SNTG1: variants seen among roughly 807,000 people sequenced by gnomAD.
The protein encoded by SNTG1 is gamma-1-syntrophin.
Under a neutral mutation model 74.7 loss-of-function variants are expected in SNTG1, and 39 were observed. The ratio of observed to expected loss-of-function variants is 0.52; its 90% CI spans 0.40 to 0.68. The LOEUF (loss-of-function observed/expected upper bound fraction) is 0.68, where lower values mean the gene tolerates loss of function less well. Ranked by LOEUF, SNTG1 falls within the 30% of genes least tolerant of loss-of-function variation. SNTG1 has a pLI of 0.00. For synonymous variants in SNTG1, 254 were observed against 217.1 expected (o/e 1.17, Z -1.49); for missense variants, 685 against 609.5 (o/e 1.12, Z -1.30).
At chr8:50,754,520 G>A (rs1222900670) in intron 18 of SNTG1, among the ~76,000 whole-genome samples, 1 of 151,700 alleles carries the variant, frequency 6.6e-6, no homozygotes, top group African/African-American at 2.4e-5. Context: ...TTCTCTTCCT[G>A]TTTCTTGCCC....
At chr8:50,499,439 A>G (rs1436139420) in intron 8 of SNTG1, among the ~76,000 whole-genome samples, 1 of 146,456 alleles carries the variant, frequency 6.8e-6, no homozygotes, top group African/African-American at 2.5e-5. Flanking sequence ...TTTTTTTGGT[A>G]GATTCTAGTG....
intron 13 of SNTG1, 98 bp from the exon 14 acceptor site, chr8:50,656,811 A>G (rs2095184672): frequency 2.5e-6 from 2 of 816,288 alleles, no homozygotes; most frequent in Non-Finnish European, 3.9e-6. Context: ...CATGAAAAAT[A>G]CCTAAAATAT....
At chr8:50,251,482 A>G (rs750555040) in intron 2 of SNTG1, among the ~76,000 whole-genome samples, 3 of 151,982 alleles carry the variant, frequency 2.0e-5, no homozygotes, top group Non-Finnish European at 4.4e-5. Context: ...CCTATAACAG[A>G]TGCACTTCAC....
At chr8:50,392,591 T>A (rs1587449526) in intron 2 of SNTG1, among the ~76,000 whole-genome samples, 1 of 152,196 alleles carries the variant, frequency 6.6e-6, no homozygotes, top group Non-Finnish European at 1.5e-5. Context: ...TAGTAGAACC[T>A]GAGGAACTCA....
chr8:50,394,343 G>A, intron 3 of SNTG1, 78 bp downstream of exon 3: 1 of 1,450,890 alleles, frequency 6.9e-7, no homozygotes, highest in Non-Finnish European at 9.5e-7. Flanking sequence ...ATTTATATAG[G>A]GAAATTCTGC....
At chr8:50,620,641 A>G (rs943941309) in intron 13 of SNTG1, among the ~76,000 whole-genome samples, 1 of 152,232 alleles carries the variant, frequency 6.6e-6, no homozygotes, top group Non-Finnish European at 1.5e-5. Context: ...TAGAATGGGC[A>G]TAATAGTTCC....
At chr8:50,090,429 A>G (rs892463949) in intron 1 of SNTG1, among the ~76,000 whole-genome samples, 2 of 152,080 alleles carry the variant, frequency 1.3e-5, no homozygotes, top group African/African-American at 2.4e-5. Context: ...CTTTCCCTTC[A>G]TGGTGGTAAG....
intron 2 of SNTG1, among the ~76,000 whole-genome samples, chr8:50,375,724 C>T (rs1200004336): frequency 6.6e-6 from 1 of 152,056 alleles, no homozygotes; most frequent in East Asian, 1.9e-4. Flanking sequence ...AATAGTAACC[C>T]TATAGGTCCT....
chr8:50,683,354 T>C (rs1268446848), intron 15 of SNTG1, among the ~76,000 whole-genome samples: 2 of 152,122 alleles, frequency 1.3e-5, no homozygotes, highest in Non-Finnish European at 2.9e-5. Context: ...GAAGACAGTA[T>C]CTAATGGGAC....
At chr8:50,155,243 G>A (rs2082216708) in intron 1 of SNTG1, among the ~76,000 whole-genome samples, 2 of 152,102 alleles carry the variant, frequency 1.3e-5, no homozygotes, top group South Asian at 2.1e-4. Context: ...CATAAGAAAA[G>A]GATAGAGAGT....
intron 14 of SNTG1, among the ~76,000 whole-genome samples, 188 bp from the exon 15 acceptor site, chr8:50,658,404 G>T (rs2095197068): frequency 6.6e-6 from 1 of 152,078 alleles, no homozygotes; most frequent in African/African-American, 2.4e-5. Context: ...TAAGACAAAT[G>T]GTAACAAAGC....
chr8:50,698,396 A>G (rs1414507372), intron 15 of SNTG1, among the ~76,000 whole-genome samples: 1 of 152,036 alleles, frequency 6.6e-6, no homozygotes, highest in African/African-American at 2.4e-5. Flanking sequence ...CTAGTTGTCA[A>G]CACAAGCTGC....
chr8:50,245,471 T>C (rs2086355149), intron 2 of SNTG1, among the ~76,000 whole-genome samples: 1 of 151,974 alleles, frequency 6.6e-6, no homozygotes, highest in South Asian at 2.1e-4. Context: ...TCACCTGAGA[T>C]CAAAAGATCG....
At chr8:50,607,920 C>G (rs560690214) in intron 13 of SNTG1, among the ~76,000 whole-genome samples, 29 of 151,742 alleles carry the variant, frequency 1.9e-4, no homozygotes, top group Non-Finnish European at 3.5e-4. Flanking sequence ...TAAACTCATT[C>G]ATGGTAGTTT....
At chr8:50,670,840 C>T (rs2095277713) in intron 15 of SNTG1, among the ~76,000 whole-genome samples, 1 of 151,276 alleles carries the variant, frequency 6.6e-6, no homozygotes, top group Non-Finnish European at 1.5e-5. Flanking sequence ...GGTACCAAAA[C>T]AGAGATATAG....
chr8:50,442,310 G>A (rs1316500620), intron 5 of SNTG1, among the ~76,000 whole-genome samples: 2 of 152,128 alleles, frequency 1.3e-5, no homozygotes, highest in African/African-American at 4.8e-5. Flanking sequence ...AATATAATGA[G>A]ATGAAATTTG....
At chr8:50,163,092 T>A (rs2082481426) in intron 1 of SNTG1, among the ~76,000 whole-genome samples, 1 of 152,152 alleles carries the variant, frequency 6.6e-6, no homozygotes, top group African/African-American at 2.4e-5. Flanking sequence ...AGGTCCCAGT[T>A]CACTCTTCAG....
At chr8:50,488,209 A>C (rs2093816306) in intron 8 of SNTG1, among the ~76,000 whole-genome samples, 2 of 150,386 alleles carry the variant, frequency 1.3e-5, no homozygotes, top group Admixed American at 1.3e-4. Context: ...AATTGCTATG[A>C]GAGTAAAATA....
At chr8:50,258,329 T>G (rs1305223397) in intron 2 of SNTG1, among the ~76,000 whole-genome samples, 1 of 152,188 alleles carries the variant, frequency 6.6e-6, no homozygotes, top group African/African-American at 2.4e-5. Flanking sequence ...TATTTTAATG[T>G]GTATACAAAT....
Sources: allele counts gnomAD v4.1 joint callset (sites outside exome capture counted in the v4.1 genomes callset), GRCh38; gene constraint gnomAD v4.1.1; transcripts MANE v1.5; gene names NCBI Gene and HGNC (gene_info 2026-07-23, HGNC 2026-07-21).